The following PTPRK variants were observed in gnomAD, a reference collection of about 807,000 sequenced individuals.
PTPRK encodes the protein protein tyrosine phosphatase receptor type K.
In PTPRK, 75 loss-of-function variants were observed where a neutral mutation model predicts 178.0. The observed-to-expected ratio is 0.42, with a 90% CI of 0.35 to 0.51. The LOEUF (loss-of-function observed/expected upper bound fraction) is 0.51. PTPRK is among the 20% of genes least tolerant of loss of function. The probability of loss-of-function intolerance (pLI) is 0.02; values close to 1 mark genes in which losing one functional copy is unlikely to be tolerated. For synonymous variants in PTPRK, 637 were observed against 620.6 expected (o/e 1.03, Z -0.39); for missense variants, 1,441 against 1,797.8 (o/e 0.80, Z 3.59).
chr6:128,286,838 T>C (rs972075152), intron 3 of PTPRK, among the ~76,000 whole-genome samples: 1 of 152,202 alleles, frequency 6.6e-6, no homozygotes, highest in Non-Finnish European at 1.5e-5. Flanking sequence ...AAAGCCAATT[T>C]AGTCCCACTA....
At chr6:128,100,160 ATAAT>A (rs1343898405) in intron 7 of PTPRK, among the ~76,000 whole-genome samples, 1 of 152,018 alleles carries the variant, frequency 6.6e-6, no homozygotes, top group Non-Finnish European at 1.5e-5. Flanking sequence ...GCCTTAGACT[ATAAT>A]TAATACAGGC....
intron 29 of PTPRK, among the ~76,000 whole-genome samples, chr6:127,972,651 T>G (rs1774061029): frequency 6.6e-6 from 1 of 152,212 alleles, no homozygotes; most frequent in African/African-American, 2.4e-5. Flanking sequence ...TTAAAAATAC[T>G]GGGTGTCTAA....
intron 3 of PTPRK, among the ~76,000 whole-genome samples, chr6:128,254,773 A>G (rs549164213): frequency 9.2e-5 from 14 of 152,242 alleles, no homozygotes; most frequent in African/African-American, 3.4e-4. Context: ...TCCTTTTCAT[A>G]TCACAAACTT....
intron 6 of PTPRK, among the ~76,000 whole-genome samples, chr6:128,216,200 A>C (rs1369197515): frequency 6.6e-6 from 1 of 152,162 alleles, no homozygotes; most frequent in East Asian, 1.9e-4. Context: ...CAACCTTTCC[A>C]ACATAAAAAT....
Position 128,218,985 on chromosome 6 carries a change from G to A in PTPRK, c.805C>T (p.Arg269Cys), listed in dbSNP as rs1809877245. The change falls in exon 6 of 30, where the codon CGC becomes TGC. Residue 269 changes from arginine to cysteine, a missense_variant. By Grantham distance (180) the Arg-to-Cys change is radical. Coordinates refer to ENST00000368226, the MANE Select transcript of PTPRK (RefSeq NM_002844.4). ...EVTKTDQDLY[R>C]CVTQSERGSG... Reference sequence around the variant, plus strand: ...CCTCGTTCTGACTGAGTTACACAGCGATACAAATCCTGGTCAGTTTTTGTC... The same window carrying A: ...CCTCGTTCTGACTGAGTTACACAGCAATACAAATCCTGGTCAGTTTTTGTC... 2 of 1,614,046 alleles carry A rather than the reference G, an allele frequency of 1.2e-6. No homozygotes were observed. The highest frequency in any genetic ancestry group is 1.7e-6 in the Non-Finnish European group (2 of 1,179,954).
intron 15 of PTPRK, among the ~76,000 whole-genome samples, chr6:128,000,645 A>G (rs928289767): frequency 2.0e-5 from 3 of 152,076 alleles, no homozygotes; most frequent in African/African-American, 7.2e-5. Flanking sequence ...TTAAAATATT[A>G]CAATCAACAG....
intron 3 of PTPRK, among the ~76,000 whole-genome samples, chr6:128,255,322 T>C (rs182245671): frequency 6.6e-6 from 1 of 152,098 alleles, no homozygotes; most frequent in East Asian, 1.9e-4. Flanking sequence ...TGGAGAGAGA[T>C]AAACTCATCT....
At chr6:128,413,269 G>A (rs1842498669) in intron 1 of PTPRK, among the ~76,000 whole-genome samples, 1 of 152,126 alleles carries the variant, frequency 6.6e-6, no homozygotes. Flanking sequence ...TGTCTGCATA[G>A]AGTACTGCAC....
intron 1 of PTPRK, among the ~76,000 whole-genome samples, chr6:128,405,579 TAAAAC>T (rs1380699786): frequency 6.6e-6 from 1 of 152,188 alleles, no homozygotes; most frequent in Non-Finnish European, 1.5e-5. Flanking sequence ...TACATTTTGG[TAAAAC>T]TGGAAACCAC....
intron 7 of PTPRK, among the ~76,000 whole-genome samples, chr6:128,127,577 T>C (rs1403404641): frequency 1.3e-5 from 2 of 152,210 alleles, no homozygotes; most frequent in African/African-American, 4.8e-5. Context: ...GACCTAGGAT[T>C]TTATGTAGCT....
intron 3 of PTPRK, among the ~76,000 whole-genome samples, chr6:128,243,509 A>G (rs9375559): frequency 1.6e-3 from 224 of 137,652 alleles, no homozygotes; most frequent in African/African-American, 6.2e-3. Context: ...AAAAAAAAAA[A>G]AAAAGAAAAG....
rs147400343 is a variant in PTPRK, at chr6:128,248,291, C to T, written c.496-5689G>A. On this transcript the variant is annotated intron_variant, in intron 3 of 29. Coordinates refer to ENST00000368226, the MANE Select transcript of PTPRK (RefSeq NM_002844.4). ...CTATATACATCTGTGTGTATATACA[C>T]ATTACATATATGTGCATATATATAA... Among the ~76,000 whole-genome samples the T allele has an allele frequency of 7.9e-5, 12 of 152,274 alleles. No homozygotes were observed. In the East Asian group the frequency reaches 1.2e-3, roughly 15 times the overall value.
At chr6:128,365,163 C>T (rs1295182494) in intron 2 of PTPRK, among the ~76,000 whole-genome samples, 1 of 152,032 alleles carries the variant, frequency 6.6e-6, no homozygotes, top group Admixed American at 6.6e-5. Flanking sequence ...GAATCTAGCA[C>T]AATATACAAC....
chr6:128,002,645 T>C (rs961491303), intron 15 of PTPRK, among the ~76,000 whole-genome samples: 2 of 151,974 alleles, frequency 1.3e-5, no homozygotes, highest in South Asian at 2.1e-4. Context: ...TCTTGAAAGA[T>C]AACATTACTT....
intron 3 of PTPRK, among the ~76,000 whole-genome samples, chr6:128,294,648 G>A (rs1430276624): frequency 1.3e-5 from 2 of 151,806 alleles, no homozygotes; most frequent in African/African-American, 4.8e-5. Flanking sequence ...GTAGACAGAG[G>A]GTATATCTGA....
intron 6 of PTPRK, among the ~76,000 whole-genome samples, chr6:128,199,179 A>G (rs1044858473): frequency 2.0e-5 from 3 of 152,180 alleles, no homozygotes; most frequent in Non-Finnish European, 4.4e-5. Context: ...ATATTCAAAT[A>G]CTGCTATTGT....
intron 7 of PTPRK, among the ~76,000 whole-genome samples, chr6:128,154,946 C>T (rs9372885): frequency 0.18 from 27,078 of 151,660 alleles, 5,622 homozygotes; most frequent in African/African-American, 0.49. Context: ...ATAATGTCCA[C>T]ACATTGTGTT....
chr6:128,089,322 T>C (rs890503017), intron 8 of PTPRK, among the ~76,000 whole-genome samples: 5 of 152,174 alleles, frequency 3.3e-5, no homozygotes, highest in Non-Finnish European at 5.9e-5. Flanking sequence ...GTTTATAAAA[T>C]ACAAAAACCC....
intron 1 of PTPRK, among the ~76,000 whole-genome samples, chr6:128,467,467 C>A (rs984979692): frequency 6.6e-6 from 1 of 152,226 alleles, no homozygotes; most frequent in African/African-American, 2.4e-5. Context: ...GAACTACATC[C>A]TAACCGTAAG....
Sources: allele counts gnomAD v4.1 joint callset (sites outside exome capture counted in the v4.1 genomes callset), GRCh38; gene constraint gnomAD v4.1.1; transcripts MANE v1.5; gene names NCBI Gene and HGNC (gene_info 2026-07-23, HGNC 2026-07-21).